Variants in LGR6 observed in about 807,000 individuals in gnomAD.
The protein encoded by LGR6 is leucine rich repeat containing G protein-coupled receptor 6.
LGR6 carries 45 observed loss-of-function variants against 69.4 expected under a neutral mutation model. That is an observed-to-expected ratio of 0.65 (90% CI 0.51 to 0.83). The LOEUF (loss-of-function observed/expected upper bound fraction) is 0.83, where lower values mean the gene tolerates loss of function less well. Ranked by LOEUF, LGR6 falls within the 40% of genes least tolerant of loss-of-function variation. The pLI is 0.00. For missense variants in LGR6, 1,108 were observed against 1,246.7 expected (o/e 0.89, Z 1.68); for synonymous variants, 538 against 555.0 (o/e 0.97, Z 0.43).
At chr1:202,224,448 G>A (rs1558015371) in intron 1 of LGR6, among the ~76,000 whole-genome samples, 1 of 152,192 alleles carries the variant, frequency 6.6e-6, no homozygotes, top group Non-Finnish European at 1.5e-5. Flanking sequence ...CCAGTTCTGT[G>A]ATGTGCCAAG....
chr1:202,263,899 G>T (rs1236480884), intron 4 of LGR6, among the ~76,000 whole-genome samples: 2 of 152,178 alleles, frequency 1.3e-5, no homozygotes, highest in African/African-American at 4.8e-5. Context: ...GTCATTTCAG[G>T]GAAGGGATCT....
intron 1 of LGR6, chr1:202,196,882 T>G (rs1658659762): frequency 2.6e-6 from 1 of 382,098 alleles, no homozygotes; most frequent in African/African-American, 2.1e-5. Flanking sequence ...CAACTCTTGA[T>G]CAATACTTGG....
chr1:202,220,428 A>G (rs1660071876), intron 1 of LGR6, among the ~76,000 whole-genome samples: 1 of 129,628 alleles, frequency 7.7e-6, no homozygotes, highest in African/African-American at 2.5e-5. Flanking sequence ...CATGTTGGCC[A>G]GACTGGTCTT....
intron 2 of LGR6, 134 bp from the exon 3 acceptor site, chr1:202,227,802 C>T (rs1424991834): frequency 1.5e-6 from 1 of 659,988 alleles, no homozygotes; most frequent in African/African-American, 1.8e-5. Context: ...AAGTATTAAA[C>T]GCATCGTAGA....
intron 5 of LGR6, 118 bp downstream of exon 5, chr1:202,276,639 C>A: frequency 2.5e-6 from 2 of 791,312 alleles, no homozygotes; most frequent in Non-Finnish European, 2.0e-6. Context: ...TGTTGCTAAA[C>A]CTTCTGGCCT....
chr1:202,218,430 C>T (rs1659926745), intron 1 of LGR6, among the ~76,000 whole-genome samples: 1 of 152,162 alleles, frequency 6.6e-6, no homozygotes, highest in Admixed American at 6.5e-5. Context: ...TTCCAAGTAG[C>T]TGGGACCCTA....
chr1:202,301,318 G>A (rs948889422), intron 9 of LGR6, 83 bp downstream of exon 9: 37 of 1,197,036 alleles, frequency 3.1e-5, no homozygotes, highest in South Asian at 2.1e-4. Flanking sequence ...TATCGCCTGC[G>A]GATCTCTCCC....
intron 9 of LGR6, among the ~76,000 whole-genome samples, chr1:202,302,123 C>G (rs1667647670): frequency 6.6e-6 from 1 of 152,162 alleles, no homozygotes; most frequent in South Asian, 2.1e-4. Context: ...ACCTGGGAGG[C>G]TGAGGTTGCA....
At chr1:202,291,023 T>C (rs1284276000) in intron 6 of LGR6, among the ~76,000 whole-genome samples, 2 of 152,180 alleles carry the variant, frequency 1.3e-5, no homozygotes, top group African/African-American at 4.8e-5. Context: ...AAGAGAAAAT[T>C]AGGCATGTGG....
chr1:202,204,476 TCCAAACACA>T (rs1658983173), intron 1 of LGR6, among the ~76,000 whole-genome samples: 1 of 11,674 alleles, frequency 8.6e-5, no homozygotes, highest in Non-Finnish European at 1.6e-4. Flanking sequence ...CACACACACC[TCCAAACACA>T]CCTCCACACA....
chr1:202,272,296 C>G (rs891498784), intron 4 of LGR6, among the ~76,000 whole-genome samples: 11 of 152,202 alleles, frequency 7.2e-5, no homozygotes, highest in Non-Finnish European at 2.9e-5. Flanking sequence ...TGCCCCACCC[C>G]CAAGCCCACC....
intron 6 of LGR6, among the ~76,000 whole-genome samples, chr1:202,295,686 G>A (rs1035738726): frequency 1.3e-5 from 2 of 152,134 alleles, no homozygotes; most frequent in South Asian, 4.1e-4. Flanking sequence ...CCTGGCCTCC[G>A]CCTGACCACA....
At chr1:202,236,792 C>T (rs1230983874) in intron 4 of LGR6, among the ~76,000 whole-genome samples, 1 of 152,082 alleles carries the variant, frequency 6.6e-6, no homozygotes, top group Non-Finnish European at 1.5e-5. Context: ...CAGCAGTTAG[C>T]TAGTGGGGGA....
At chr1:202,248,129 T>G (rs6691508) in intron 4 of LGR6, among the ~76,000 whole-genome samples, 83,335 of 152,174 alleles carry the variant, frequency 0.55, 24,272 homozygotes, top group African/African-American at 0.74. Context: ...CCAGGCTCCT[T>G]CCCTGGCCAC....
In LGR6 at chr1:202,285,212, C is replaced by T. The variant is rs139891519; in HGVS notation, c.716+4360C>T. On this transcript the variant is annotated intron_variant, in intron 6 of 17. Coordinates refer to ENST00000367278, the MANE Select transcript of LGR6 (RefSeq NM_001017403.2). ...AACTGTAGCTAGAAAATGTTCCTCTCTGTGTGTGTCTTTGAAACCATTAAT... is the reference window on the plus strand; with the variant it reads ...AACTGTAGCTAGAAAATGTTCCTCTTTGTGTGTGTCTTTGAAACCATTAAT... Among the ~76,000 whole-genome samples the T allele has an allele frequency of 4.6e-5, 7 of 152,340 alleles. No individual in the cohort carries two copies. The East Asian group carries it at 1.3e-3, about 29-fold the overall frequency.
intron 10 of LGR6, 128 bp from the exon 11 acceptor site, chr1:202,304,431 T>C: frequency 1.8e-6 from 1 of 544,368 alleles, no homozygotes; most frequent in South Asian, 3.3e-5. Context: ...GCCCTGTCTC[T>C]CCCTCCATTT....
chr1:202,237,437 G>A (rs940745579), intron 4 of LGR6, among the ~76,000 whole-genome samples: 19 of 152,236 alleles, frequency 1.2e-4, no homozygotes, highest in African/African-American at 4.6e-4. Context: ...TTCATCCACA[G>A]CCTCAAAGAG....
intron 5 of LGR6, 113 bp downstream of exon 5, chr1:202,276,634 C>G: frequency 2.3e-6 from 2 of 853,546 alleles, no homozygotes; most frequent in Non-Finnish European, 3.6e-6. Flanking sequence ...TTGCATGTTG[C>G]TAAACCTTCT....
chr1:202,219,209 G>T (rs1468003950), intron 1 of LGR6, among the ~76,000 whole-genome samples: 1 of 152,190 alleles, frequency 6.6e-6, no homozygotes, highest in Non-Finnish European at 1.5e-5. Context: ...TTTTTCAGTG[G>T]GAGAGAACCC....
Sources: gnomAD v4.1 joint callset for allele counts (sites outside exome capture counted in the v4.1 genomes callset) on GRCh38, gnomAD v4.1.1 for gene constraint, MANE v1.5 for transcripts, NCBI Gene and HGNC (gene_info 2026-07-23, HGNC 2026-07-21) for gene names.